The following PTPN14 variants were observed in gnomAD, a reference collection of about 807,000 sequenced individuals.
PTPN14 encodes the protein protein tyrosine phosphatase non-receptor type 14.
In PTPN14, 53 loss-of-function variants were observed where a neutral mutation model predicts 126.8. The observed-to-expected ratio is 0.42, with a 90% confidence interval of 0.34 to 0.53. PTPN14 has a LOEUF of 0.53. PTPN14 is among the 20% of genes least tolerant of loss of function. The pLI, the probability that PTPN14 is intolerant of heterozygous loss-of-function variation, is 0.08. For missense variants in PTPN14, 1,257 were observed against 1,552.9 expected (o/e 0.81, Z 3.20); for synonymous variants, 630 against 599.3 (o/e 1.05, Z -0.75).
At chr1:214,467,189 A>T (rs990488704) in intron 1 of PTPN14, among the ~76,000 whole-genome samples, 8 of 151,974 alleles carry the variant, frequency 5.3e-5, no homozygotes, top group African/African-American at 1.7e-4. Context: ...CCCAACCCAA[A>T]GAAAAACAGT....
At chr1:214,447,370 C>T (rs1349675037) in intron 3 of PTPN14, among the ~76,000 whole-genome samples, 1 of 151,996 alleles carries the variant, frequency 6.6e-6, no homozygotes, top group Admixed American at 6.6e-5. Flanking sequence ...TGTCCATCTC[C>T]AACACCACAC....
intron 2 of PTPN14, among the ~76,000 whole-genome samples, chr1:214,458,107 T>C (rs146696157): frequency 6.6e-6 from 1 of 152,082 alleles, no homozygotes; most frequent in East Asian, 1.9e-4. Context: ...TGGAGTGCAG[T>C]AGTATGTTAA....
In PTPN14 at chr1:214,395,197, C is replaced by T. The variant is rs555079460; in HGVS notation, c.759-211G>A. ...TTCTACATAAAATACGTCTAGACAT[C>T]GCTATTTATAAACTATAGTTTTCTT... On this transcript the variant is annotated intron_variant, in intron 8 of 18. Coordinates refer to ENST00000366956, the MANE Select transcript of PTPN14 (RefSeq NM_005401.5). Among the ~76,000 whole-genome samples, 17 of 152,270 alleles carry T rather than the reference C, an allele frequency of 1.1e-4. No individual in the cohort carries two copies. The South Asian group carries it at 3.5e-3, about 32-fold the overall frequency.
chr1:214,534,712 CAATA>C (rs138500520), intron 1 of PTPN14, among the ~76,000 whole-genome samples: 21 of 141,682 alleles, frequency 1.5e-4, no homozygotes, highest in South Asian at 7.1e-4. Flanking sequence ...GACTCCTTCT[CAATA>C]AATAAATAAA....
chr1:214,523,720 C>T lies in PTPN14; in HGVS notation c.-155+27463G>A, dbSNP rs541746846. The stretch of plus-strand genomic sequence containing the variant: ...GGGCTGCTGGCCCCAGGAGTACTGG[C>T]CACCAACACAAGGCCTGGAGTCCCT... On this transcript the variant is annotated intron_variant, in intron 1 of 18. Transcript: ENST00000366956. 2.0e-5 allele frequency among the ~76,000 whole-genome samples: 3 copies of T among 152,300 alleles called. No homozygotes were observed. In the South Asian group the frequency reaches 6.2e-4, roughly 32 times the overall value.
intron 3 of PTPN14, among the ~76,000 whole-genome samples, chr1:214,441,821 T>A (rs1660042035): frequency 6.6e-6 from 1 of 152,256 alleles, no homozygotes; most frequent in Non-Finnish European, 1.5e-5. Context: ...CGTATTCTAC[T>A]CAAGCTTTAG....
chr1:214,403,731 A>C (rs1659093210), intron 5 of PTPN14, among the ~76,000 whole-genome samples: 1 of 152,232 alleles, frequency 6.6e-6, no homozygotes, highest in Non-Finnish European at 1.5e-5. Flanking sequence ...CAAGAGGAAT[A>C]ATCCAAAATA....
chr1:214,431,709 C>G (rs976971942), intron 3 of PTPN14, among the ~76,000 whole-genome samples: 1 of 152,172 alleles, frequency 6.6e-6, no homozygotes, highest in African/African-American at 2.4e-5. Flanking sequence ...TGTACTCAAA[C>G]TGTGCGGGCA....
chr1:214,424,362 A>T (rs1161407612), intron 3 of PTPN14, among the ~76,000 whole-genome samples: 1 of 152,120 alleles, frequency 6.6e-6, no homozygotes, highest in African/African-American at 2.4e-5. Flanking sequence ...CACAGACATA[A>T]CAAACAAACA....
chr1:214,506,816 C>A (rs1654855940), intron 1 of PTPN14, among the ~76,000 whole-genome samples: 1 of 151,664 alleles, frequency 6.6e-6, no homozygotes, highest in Non-Finnish European at 1.5e-5. Context: ...TTTCAAAAAT[C>A]TTTTTCCAGT....
chr1:214,358,504 T>C (rs917149859), intron 18 of PTPN14, among the ~76,000 whole-genome samples: 4 of 152,206 alleles, frequency 2.6e-5, no homozygotes, highest in Non-Finnish European at 5.9e-5. Context: ...TGAATGGTAC[T>C]CTCAACTCCC....
At chr1:214,472,851 A>G (rs1660790288) in intron 1 of PTPN14, among the ~76,000 whole-genome samples, 1 of 152,244 alleles carries the variant, frequency 6.6e-6, no homozygotes, top group Non-Finnish European at 1.5e-5. Context: ...GAGATTGCAG[A>G]TCCAGACACG....
At chr1:214,375,228 A>T (rs1203387486) in intron 15 of PTPN14, among the ~76,000 whole-genome samples, 1 of 152,238 alleles carries the variant, frequency 6.6e-6, no homozygotes, top group African/African-American at 2.4e-5. Flanking sequence ...GTTATAATTG[A>T]TACACAAGCT....
intron 1 of PTPN14, among the ~76,000 whole-genome samples, chr1:214,501,237 G>A (rs1232379229): frequency 6.6e-6 from 1 of 152,118 alleles, no homozygotes; most frequent in Non-Finnish European, 1.5e-5. Flanking sequence ...CATGAAAACA[G>A]AGTAAGTATT....
At chr1:214,496,151 C>T (rs181559836) in intron 1 of PTPN14, among the ~76,000 whole-genome samples, 11 of 152,226 alleles carry the variant, frequency 7.2e-5, no homozygotes, top group South Asian at 4.1e-4. Context: ...GATTTAGAAA[C>T]GTACTTCATT....
intron 3 of PTPN14, among the ~76,000 whole-genome samples, chr1:214,449,679 G>C (rs1660228577): frequency 6.6e-6 from 1 of 152,154 alleles, no homozygotes; most frequent in African/African-American, 2.4e-5. Context: ...TTGGATATGT[G>C]AATCAACTTG....
intron 5 of PTPN14, among the ~76,000 whole-genome samples, chr1:214,407,389 A>C (rs1001413174): frequency 5.3e-5 from 8 of 151,834 alleles, no homozygotes; most frequent in Non-Finnish European, 1.0e-4. Flanking sequence ...TTAGCTGGGC[A>C]TGGTGGTGGG....
chr1:214,515,173 A>G (rs1655069080), intron 1 of PTPN14, among the ~76,000 whole-genome samples: 1 of 152,214 alleles, frequency 6.6e-6, no homozygotes, highest in Non-Finnish European at 1.5e-5. Flanking sequence ...CGTAAGTAGA[A>G]AAAAGCCTTA....
chr1:214,382,341 C>T lies in PTPN14; in HGVS notation c.2544+970G>A, dbSNP rs369968407. On this transcript the variant is annotated intron_variant, in intron 13 of 18. Transcript: ENST00000366956. ...AATTGTACAATATATTTTTTTAAAG[C>T]GATGAGGTTTAGTCCTGTCATCCAG... Among the ~76,000 whole-genome samples, 168 of 150,044 alleles carry T rather than the reference C, an allele frequency of 1.1e-3. 5 individuals carry two copies. In the South Asian group the frequency reaches 0.032, roughly 28 times the overall value.
Sources: gnomAD v4.1 joint callset for allele counts (sites outside exome capture counted in the v4.1 genomes callset) on GRCh38, gnomAD v4.1.1 for gene constraint, MANE v1.5 for transcripts, NCBI Gene and HGNC (gene_info 2026-07-23, HGNC 2026-07-21) for gene names.